Variants in TEX101 observed in about 807,000 individuals in gnomAD.
The protein encoded by TEX101 is testis expressed 101.
TEX101 carries 10 observed loss-of-function variants against 18.1 expected under a neutral mutation model. The ratio of observed to expected loss-of-function variants is 0.55; its 90% CI spans 0.34 to 0.94. The LOEUF is 0.94. Among genes scored for constraint, TEX101 ranks in the 40% least tolerant of loss-of-function variants. The pLI is 0.02. For missense variants in TEX101, 259 were observed against 298.9 expected, an observed-to-expected ratio of 0.87 and a Z score of 0.98; for synonymous variants, 94 against 114.8, an observed-to-expected ratio of 0.82 and a Z score of 1.16.
At chr19:43,391,406 CTTTTTTTTT>C in the TEX101 span, among the ~76,000 whole-genome samples, 1 of 95,898 alleles carries the variant, frequency 1.0e-5, no homozygotes, top group Non-Finnish European at 2.0e-5. Flanking sequence ...TTCTGTTTTT[CTTTTTTTTT>C]TTTTTTTTTT....
chr19:43,407,226 A>G lies in TEX101; in HGVS notation c.15+707A>G, dbSNP rs150362999. On this transcript the variant is annotated intron_variant, in intron 3 of 7. Coordinates refer to the TEX101 transcript ENST00000602198. ...GGGGCTGGGGCTGTGGCTCACGCCT[A>G]TAATCCCAGCACTTTGGTAGGCCAA... Among the ~76,000 whole-genome samples the G allele has an allele frequency of 7.4e-3, 1,122 of 152,256 alleles. 17 individuals are homozygous for G. Among genetic ancestry groups the G allele is most frequent in the African/African-American group, 0.025 (1,043 of 41,556 alleles).
intron 1 of TEX101, 74 bp downstream of exon 1, chr19:43,415,112 A>G (rs1970458709): frequency 2.3e-5 from 22 of 955,694 alleles, no homozygotes; most frequent in Non-Finnish European, 2.7e-5. Context: ...CCCGGGCCTG[A>G]GAGGGAGGGG....
At chr19:43,391,406 C>CTTTTTTTTTTTTTTTTTTTTTTTT in the TEX101 span, among the ~76,000 whole-genome samples, 2 of 95,898 alleles carry the variant, frequency 2.1e-5, no homozygotes, top group Non-Finnish European at 4.0e-5. Flanking sequence ...TTCTGTTTTT[C>CTTTTTTTTTTTTTTTTTTTTTTTT]TTTTTTTTTT....
At chr19:43,391,363 CG>C in the TEX101 span, among the ~76,000 whole-genome samples, 10 of 150,286 alleles carry the variant, frequency 6.7e-5, no homozygotes, top group South Asian at 2.1e-3. Flanking sequence ...GCTACACAAG[CG>C]TTCCAATTCC....
At chr19:43,407,055 C>T (rs1970373100) in intron 3 of TEX101, among the ~76,000 whole-genome samples, 1 of 151,746 alleles carries the variant, frequency 6.6e-6, no homozygotes, top group African/African-American at 2.4e-5. Context: ...CTCGCCTCAG[C>T]CTCCAAAATA....
chr19:43,388,645 T>C, the TEX101 span, among the ~76,000 whole-genome samples: 4 of 152,140 alleles, frequency 2.6e-5, no homozygotes, highest in African/African-American at 7.2e-5. Context: ...AATGGTGCCG[T>C]TGAGTCCTCT....
At chr19:43,390,460 CTTTTTTTTTTTTTTTT>C in the TEX101 span, among the ~76,000 whole-genome samples, 2 of 49,856 alleles carry the variant, frequency 4.0e-5, no homozygotes, top group East Asian at 1.6e-3. Context: ...CTTTTTTTTT[CTTTTTTTTTTTTTTTT>C]TTTTTTTTTG....
At chr19:43,408,623 A>G (rs1035637380) in intron 3 of TEX101, among the ~76,000 whole-genome samples, 1 of 152,064 alleles carries the variant, frequency 6.6e-6, no homozygotes, top group Non-Finnish European at 1.5e-5. Context: ...CCACCGTGAG[A>G]AGTGCCCTCT....
rs1323200465 is a variant in TEX101 at position 43,418,212 on chromosome 19, A to T, written c.565A>T (p.Ile189Phe). ...SVEVKGCTAM[I>F]GCRLMSGILA... ...GGAGGTCAAAGGCTGTACAGCCATG[A>T]TTGGCTGCAGGCTGATGTCTGGAAT... Residue 189 changes from isoleucine (I) to phenylalanine (F), a missense_variant, in exon 6 of 6, where the codon ATT becomes TTT. Coordinates refer to ENST00000598265, the MANE Select transcript of TEX101 (RefSeq NM_001130011.3). The T allele has an allele frequency of 6.2e-7, 1 of 1,614,030 alleles. No individual in the cohort carries two copies. The highest frequency in any genetic ancestry group is 8.5e-7 in the Non-Finnish European group (1 of 1,180,028).
intron 1 of TEX101, among the ~76,000 whole-genome samples, chr19:43,402,056 C>G (rs1970322819): frequency 6.6e-6 from 1 of 152,236 alleles, no homozygotes; most frequent in Non-Finnish European, 1.5e-5. Flanking sequence ...ATGCAGTCTA[C>G]ATAAGTGCTG....
chr19:43,414,823 G>A, upstream of TEX101: 3 of 985,042 alleles, frequency 3.0e-6, no homozygotes, highest in South Asian at 9.4e-5. Context: ...GAACTTATCC[G>A]ATGCTTTTGC....
At chr19:43,389,998 G>T in the TEX101 span, among the ~76,000 whole-genome samples, 1 of 152,028 alleles carries the variant, frequency 6.6e-6, no homozygotes, top group Admixed American at 6.5e-5. Context: ...GCCTCCTCCG[G>T]CCATGGCCCT....
chr19:43,412,343 A>G (rs2122338499), upstream of TEX101, among the ~76,000 whole-genome samples: 1 of 152,286 alleles, frequency 6.6e-6, no homozygotes, highest in East Asian at 1.9e-4. Flanking sequence ...CATTGCAAGG[A>G]CAGCACCAAG....
chr19:43,406,260 C>T (rs912526927), exon 3 of TEX101: 5 of 498,994 alleles, frequency 1.0e-5, no homozygotes, highest in African/African-American at 2.0e-5. Flanking sequence ...CAATGAAGCC[C>T]GGATCAAGGG....
chr19:43,398,255 TAA>T (rs1568454312), upstream of TEX101, among the ~76,000 whole-genome samples: 1 of 120,406 alleles, frequency 8.3e-6, no homozygotes, highest in Non-Finnish European at 1.6e-5. Context: ...ATAATATATA[TAA>T]TATATATAAA....
In TEX101 at chr19:43,406,943, T is replaced by TG. The variant is rs71169232; in HGVS notation, c.15+424_15+425insG. 1.3e-4 allele frequency among the ~76,000 whole-genome samples: 19 copies of TG among 151,090 alleles called. No individual in the cohort carries two copies. In the East Asian group the frequency reaches 1.7e-3, roughly 14 times the overall value. The stretch of plus-strand genomic sequence containing the variant: ...GTCTTTGTTTTTTGTTTTTTTTTTT[T>TG]TTTTTGACAGGGTCTCATTCTGTGG... On this transcript the variant is annotated intron_variant, in intron 3 of 7. Coordinates refer to the TEX101 transcript ENST00000602198.
chr19:43,388,945 G>C, the TEX101 span, among the ~76,000 whole-genome samples: 1 of 151,960 alleles, frequency 6.6e-6, no homozygotes, highest in Admixed American at 6.6e-5. Context: ...CTTTAAAGGC[G>C]GCTGCTCCCC....
chr19:43,414,748 G>A (rs1970453168), upstream of TEX101: 17 of 792,912 alleles, frequency 2.1e-5, no homozygotes, highest in Admixed American at 6.2e-5. Flanking sequence ...CGCACCCTCC[G>A]AGATTGCCAG....
chr19:43,393,103 G>GGAAGGAAGGAAGGAAGGAAGGAAA, the TEX101 span, among the ~76,000 whole-genome samples: 6,309 of 143,918 alleles, frequency 0.044, 285 homozygotes, highest in East Asian at 0.2. Flanking sequence ...AAGGAAGGAA[G>GGAAGGAAGGAAGGAAGGAAGGAAA]GAAAGAAAGA....
Sources: allele counts gnomAD v4.1 joint callset (sites outside exome capture counted in the v4.1 genomes callset), GRCh38; gene constraint gnomAD v4.1.1; transcripts MANE v1.5; gene names NCBI Gene and HGNC (gene_info 2026-07-23, HGNC 2026-07-21).